Variants in GPR32 observed in about 807,000 individuals in gnomAD.
The protein encoded by GPR32 is G protein-coupled receptor 32.
For synonymous variants in GPR32, 215 were observed against 195.3 expected (o/e 1.10, Z -0.84); for missense variants, 433 against 454.1 (o/e 0.95, Z 0.42).
chr19:50,771,180 G>A lies in GPR32; in HGVS notation c.580G>A (p.Ala194Thr), dbSNP rs368906361. Residue 194 changes from alanine (A) to threonine (T), a missense_variant, in exon 1 of 1, where the codon GCG (alanine) becomes ACG (threonine). Ala to Thr is a moderately conservative substitution (Grantham distance 58). Coordinates refer to ENST00000270590, the MANE Select transcript of GPR32 (RefSeq NM_001506.2). ...KWNGCTHCYL[A>T]FNSDNETAQI... is the part of the protein sequence containing the mutation. ...GAATGGCTGTACGCACTGCTACTTG[G>A]CGTTCAACTCTGACAATGAGACTGC... 1.2e-6 allele frequency: 2 copies of A among 1,614,212 alleles called. No homozygotes were observed. Among genetic ancestry groups the A allele is most frequent in the Non-Finnish European group, 1.7e-6 (2 of 1,180,048 alleles).
In GPR32 at chr19:50,770,862, G is replaced by A. The variant is rs763460659; in HGVS notation, c.262G>A (p.Asp88Asn). The change falls in exon 1 of 1, where the codon GAT (aspartate) becomes AAT (asparagine). Residue 88 changes from aspartate (D) to asparagine (N), a missense_variant. Coordinates refer to ENST00000270590, the MANE Select transcript of GPR32 (RefSeq NM_001506.2). ...CTGCTTCTTCCACCTGGCCCTTGCC[G>A]ATTTCATGCTCTCACTGTCTCTGCC... The part of the protein sequence containing the change: ...TVCFFHLALA[D>N]FMLSLSLPIA... The A allele has an allele frequency of 3.1e-6, 5 of 1,614,198 alleles. No individual in the cohort carries two copies. In the South Asian group the frequency reaches 3.3e-5, roughly 11 times the overall value.
chr19:50,770,593 G>T lies in GPR32; in HGVS notation c.-8G>T. 2 of 1,527,890 alleles carry T rather than the reference G, an allele frequency of 1.3e-6. No homozygotes were observed. Among genetic ancestry groups the T allele is most frequent in the South Asian group, 1.2e-5 (1 of 81,040 alleles). The allele number at this position is 1,527,890 out of a possible 1,614,324, so 94.6% of individuals were successfully genotyped here. A position where few individuals can be genotyped will look rare whatever the true frequency, so the allele number is the denominator to read the frequency against. On this transcript the variant is annotated 5_prime_UTR_variant, in exon 1 of 1. An upstream open reading frame in the 5' UTR gains an earlier in-frame stop. Coordinates refer to ENST00000270590, the MANE Select transcript of GPR32 (RefSeq NM_001506.2). ...AGCATTCCATAAAAATTATGGAATG[G>T]AGAAATCATGAATGGGGTCTCGGAG...
Position 50,771,245 on chromosome 19 carries a change from A to G in GPR32, c.645A>G (p.Ile215Met). The G allele has an allele frequency of 6.2e-7, 1 of 1,614,042 alleles. No individual in the cohort carries two copies. Among genetic ancestry groups the G allele is most frequent in the Non-Finnish European group, 8.5e-7 (1 of 1,180,000 alleles). The change falls in exon 1 of 1, where the codon ATA (isoleucine) becomes ATG (methionine). Residue 215 changes from isoleucine to methionine, a missense_variant. Ile to Met is a conservative substitution (Grantham distance 10). Coordinates refer to ENST00000270590, the MANE Select transcript of GPR32 (RefSeq NM_001506.2). The part of the protein sequence containing the change: ...WIEGVVEGHI[I>M]GTIGHFLLGF... ...AAGGGGTCGTGGAGGGACACATTAT[A>G]GGGACCATTGGCCACTTCCTGCTGG...
At position 50,771,603 on chromosome 19, in the gene GPR32, C is replaced by T. The variant is rs1209104358; in HGVS notation, c.1003C>T (p.Leu335=). The change falls in exon 1 of 1, where the codon CTG becomes TTG. Residue 335 remains leucine, a synonymous_variant. Transcript: ENST00000270590. ...GTTTTTCCAGTCTTTGACTTCTGCC[C>T]TGGCGAGGGCGTTTGGAGAGGAGGA... is the stretch of plus-strand genomic sequence containing the variant. The part of the protein sequence containing the change: ...EKFFQSLTSA[L]ARAFGEEEFL... The T allele has an allele frequency of 3.7e-6, 6 of 1,614,118 alleles. No individual in the cohort carries two copies. The highest frequency in any genetic ancestry group is 1.7e-5 in the Admixed American group (1 of 60,008).
At chr19:50,770,804 TGTCTTCC>T in the GPR32 span, 1 of 1,614,186 alleles carries the variant, frequency 6.2e-7, no homozygotes, top group South Asian at 1.1e-5. Context: ...TGTGGATGAC[TGTCTTCC>T]GTATGGCACG....
At position 50,770,658 on chromosome 19, in the gene GPR32, A is replaced by T. The variant is rs776245921; in HGVS notation, c.58A>T (p.Thr20Ser). The T allele has an allele frequency of 1.9e-6, 3 of 1,613,488 alleles. No homozygotes were observed. Among genetic ancestry groups the T allele is most frequent in the Non-Finnish European group, 2.5e-6 (3 of 1,179,736 alleles). Reference protein sequence around the residue: ...GCSDRQPGVLTRDRSCSRKMN... With the variant: ...GCSDRQPGVLSRDRSCSRKMN... ...CAGTGACAGGCAACCTGGGGTCCTG[A>T]CACGTGATCGCTCTTGTTCCAGGAA... is the stretch of plus-strand genomic sequence containing the variant. Residue 20 changes from threonine (T) to serine (S), a missense_variant, in exon 1 of 1, where the codon ACA becomes TCA. Thr to Ser is a moderately conservative substitution (Grantham distance 58). Transcript: ENST00000270590.
At position 50,771,599 on chromosome 19, in the gene GPR32, T is replaced by C; in HGVS notation, c.999T>C (p.Ser333=). 1 of 1,614,210 alleles carries C rather than the reference T, an allele frequency of 6.2e-7. No homozygotes were observed. The highest frequency in any genetic ancestry group is 8.5e-7 in the Non-Finnish European group (1 of 1,180,030). ...AAAAGTTTTTCCAGTCTTTGACTTCTGCCCTGGCGAGGGCGTTTGGAGAGG... is the reference window on the plus strand; with the variant it reads ...AAAAGTTTTTCCAGTCTTTGACTTCCGCCCTGGCGAGGGCGTTTGGAGAGG... ...FQEKFFQSLT[S]ALARAFGEEE... is the part of the protein sequence containing the mutation. Residue 333 remains serine, a synonymous_variant, in exon 1 of 1, where the codon TCT becomes TCC. Coordinates refer to ENST00000270590, the MANE Select transcript of GPR32 (RefSeq NM_001506.2).
Position 50,771,158 on chromosome 19 carries a change from T to C in GPR32, c.558T>C (p.Asn186=). ...AATTCCGGACAACCAGAAAATGGAA[T>C]GGCTGTACGCACTGCTACTTGGCGT... ...HLKFRTTRKW[N]GCTHCYLAFN... Residue 186 remains asparagine (N), a synonymous_variant, in exon 1 of 1, where the codon AAT becomes AAC. Coordinates refer to ENST00000270590, the MANE Select transcript of GPR32 (RefSeq NM_001506.2). 1.2e-6 allele frequency: 2 copies of C among 1,614,204 alleles called. No individual in the cohort carries two copies. Among genetic ancestry groups the C allele is most frequent in the Admixed American group, 3.3e-5 (2 of 60,014 alleles).
rs1369443568 is a variant in GPR32, at chr19:50,771,481, T to A, written c.881T>A (p.Met294Lys). The A allele has an allele frequency of 6.2e-7, 1 of 1,614,126 alleles. No individual in the cohort carries two copies. The highest frequency in any genetic ancestry group is 8.5e-7 in the Non-Finnish European group (1 of 1,180,046). ...CTCAAGGAAATCTACCACCCCCGGA[T>A]GCTGCTCATCCTCCAGGCTAGCTTT... is the stretch of plus-strand genomic sequence containing the variant. ...VMLKEIYHPR[M>K]LLILQASFAL... The change falls in exon 1 of 1, where the codon ATG (methionine) becomes AAG (lysine). Residue 294 changes from methionine (M) to lysine (K), a missense_variant. By Grantham distance (95) the Met-to-Lys change is moderately conservative. Transcript: ENST00000270590.
rs147807422 is a variant in GPR32, at chr19:50,770,799, A to T, written c.199A>T (p.Met67Leu). 3.7e-6 allele frequency: 6 copies of T among 1,614,004 alleles called. No individual in the cohort carries two copies. The highest frequency in any genetic ancestry group is 5.1e-6 in the Non-Finnish European group (6 of 1,180,020). ...GVLGNGLVLWMTVFRMARTVS... is the reference protein window; with the variant it reads ...GVLGNGLVLWLTVFRMARTVS... ...GCTGGGCAATGGGCTGGTGCTGTGG[A>T]TGACTGTCTTCCGTATGGCACGCAC... Residue 67 changes from methionine to leucine, a missense_variant, in exon 1 of 1, where the codon ATG (methionine) becomes TTG (leucine). Transcript: ENST00000270590.
chr19:50,771,080 G>A, the GPR32 span: 3 of 1,614,146 alleles, frequency 1.9e-6, no homozygotes, highest in Non-Finnish European at 2.5e-6. Flanking sequence ...GGGCGAGCTG[G>A]CTGGCCTTTG....
Position 50,770,632 on chromosome 19 carries a change from G to T in GPR32, c.32G>T (p.Cys11Phe). ...GGGGTCTCGGAGGGGACCAGAGGCT[G>T]CAGTGACAGGCAACCTGGGGTCCTG... Reference protein sequence around the residue: MNGVSEGTRGCSDRQPGVLTR... With the variant: MNGVSEGTRGFSDRQPGVLTR... Residue 11 changes from cysteine to phenylalanine, a missense_variant, in exon 1 of 1, where the codon TGC becomes TTC. Cys to Phe is a radical substitution (Grantham distance 205, BLOSUM62 -2). Coordinates refer to ENST00000270590, the MANE Select transcript of GPR32 (RefSeq NM_001506.2). 6.2e-7 allele frequency: 1 copy of T among 1,608,414 alleles called. No homozygotes were observed. The highest frequency in any genetic ancestry group is 1.7e-4 in the Middle Eastern group (1 of 6,024).
chr19:50,770,694 T>A lies in GPR32; in HGVS notation c.94T>A (p.Ser32Thr). 1.2e-6 allele frequency: 2 copies of A among 1,614,108 alleles called. No individual in the cohort carries two copies. The highest frequency in any genetic ancestry group is 1.7e-6 in the Non-Finnish European group (2 of 1,180,004). The stretch of plus-strand genomic sequence containing the variant: ...CTCTTGTTCCAGGAAGATGAACTCT[T>A]CCGGATGCCTGTCTGAGGAGGTGGG... ...DRSCSRKMNS[S>T]GCLSEEVGSL... The change falls in exon 1 of 1, where the codon TCC becomes ACC. Residue 32 changes from serine (S) to threonine (T), a missense_variant. Ser to Thr is a moderately conservative substitution (Grantham distance 58). Coordinates refer to ENST00000270590, the MANE Select transcript of GPR32 (RefSeq NM_001506.2).
chr19:50,770,975 C>G, the GPR32 span: 5 of 1,614,162 alleles, frequency 3.1e-6, no homozygotes, highest in South Asian at 3.3e-5. Flanking sequence ...TCCTCAGCTA[C>G]TTTGCCAGTA....
Position 50,771,139 on chromosome 19 carries a change from G to C in GPR32, c.539G>C (p.Arg180Pro). Reference protein sequence around the residue: ...AALCSAHLKFRTTRKWNGCTH... With the variant: ...AALCSAHLKFPTTRKWNGCTH... ...TTGTGCTCTGCGCACCTGAAATTCC[G>C]GACAACCAGAAAATGGAATGGCTGT... The change falls in exon 1 of 1, where the codon CGG (arginine) becomes CCG (proline). Residue 180 changes from arginine to proline, a missense_variant. Arg to Pro is a moderately radical substitution (Grantham distance 103, BLOSUM62 -2). Transcript: ENST00000270590. 1 of 1,614,130 alleles carries C rather than the reference G, an allele frequency of 6.2e-7. No individual in the cohort carries two copies. Among genetic ancestry groups the C allele is most frequent in the Admixed American group, 1.7e-5 (1 of 60,018 alleles).
In GPR32 at chr19:50,770,941, G is replaced by A; in HGVS notation, c.341G>A (p.Cys114Tyr). 6.2e-7 allele frequency: 1 copy of A among 1,614,064 alleles called. No homozygotes were observed. Among genetic ancestry groups the A allele is most frequent in the South Asian group, 1.1e-5 (1 of 91,076 alleles). ...SRQWLLGEWA[C>Y]KLYITFVFLS... ...CAGTGGCTCCTCGGAGAGTGGGCCTGCAAACTCTACATCACCTTTGTGTTC... is the reference window on the plus strand; with the variant it reads ...CAGTGGCTCCTCGGAGAGTGGGCCTACAAACTCTACATCACCTTTGTGTTC... The change falls in exon 1 of 1, where the codon TGC (cysteine) becomes TAC (tyrosine). Residue 114 changes from cysteine (C) to tyrosine (Y), a missense_variant. Coordinates refer to ENST00000270590, the MANE Select transcript of GPR32 (RefSeq NM_001506.2).
chr19:50,770,517 C>A lies in GPR32; in HGVS notation c.-84C>A, dbSNP rs1599899065. On this transcript the variant is annotated 5_prime_UTR_variant, in exon 1 of 1. Coordinates refer to ENST00000270590, the MANE Select transcript of GPR32 (RefSeq NM_001506.2). ...TGATCTGTGATTGTACCTTTGCACT[C>A]CAGCCTGGGTGACAGAGCATGACGC... 1.1e-6 allele frequency: 1 copy of A among 943,572 alleles called. No homozygotes were observed. Among genetic ancestry groups the A allele is most frequent in the Non-Finnish European group, 1.5e-6 (1 of 645,892 alleles). 58.4% of individuals were successfully genotyped at this position (943,572 alleles called of 1,614,324 possible). A position where few individuals can be genotyped will look rare whatever the true frequency, so the allele number is the denominator to read the frequency against.
Position 50,770,642 on chromosome 19 carries a change from G to A in GPR32, c.42G>A (p.Arg14=). 1 of 1,610,486 alleles carries A rather than the reference G, an allele frequency of 6.2e-7. No individual in the cohort carries two copies. Residue 14 remains arginine, a synonymous_variant, in exon 1 of 1, where the codon AGG becomes AGA. Transcript: ENST00000270590. ...VSEGTRGCSD[R]QPGVLTRDRS... ...AGGGGACCAGAGGCTGCAGTGACAGGCAACCTGGGGTCCTGACACGTGATC... is the reference window on the plus strand; with the variant it reads ...AGGGGACCAGAGGCTGCAGTGACAGACAACCTGGGGTCCTGACACGTGATC...
Position 50,771,456 on chromosome 19 carries a change from C to G in GPR32, c.856C>G (p.Leu286Val). Residue 286 changes from leucine to valine, a missense_variant, in exon 1 of 1, where the codon CTC becomes GTC. Leu to Val is a conservative substitution (Grantham distance 32). Transcript: ENST00000270590. ...GGTCCATCTGTGGCGACGGGTGATGCTCAAGGAAATCTACCACCCCCGGAT... is the reference window on the plus strand; with the variant it reads ...GGTCCATCTGTGGCGACGGGTGATGGTCAAGGAAATCTACCACCCCCGGAT... Reference protein sequence around the residue: ...LLVHLWRRVMLKEIYHPRMLL... With the variant: ...LLVHLWRRVMVKEIYHPRMLL... 5 of 1,614,170 alleles carry G rather than the reference C, an allele frequency of 3.1e-6. No homozygotes were observed. Among genetic ancestry groups the G allele is most frequent in the Non-Finnish European group, 4.2e-6 (5 of 1,180,024 alleles).
Sources: allele counts gnomAD v4.1 joint callset, GRCh38; gene constraint gnomAD v4.1.1; transcripts MANE v1.5; gene names NCBI Gene and HGNC (gene_info 2026-07-23, HGNC 2026-07-21).